UBR1: variants seen among roughly 807,000 people sequenced by gnomAD.
UBR1 encodes the protein E3 ubiquitin-protein ligase UBR1.
A neutral mutation model predicts 242.1 loss-of-function variants in UBR1; 102 were observed. That is an observed-to-expected ratio of 0.42 (90% CI 0.36 to 0.50). The LOEUF (loss-of-function observed/expected upper bound fraction) is 0.50. Ranked by LOEUF, UBR1 falls within the 20% of genes least tolerant of loss-of-function variation. The probability of loss-of-function intolerance (pLI) is 0.01; values close to 1 mark genes in which losing one functional copy is unlikely to be tolerated. For missense variants in UBR1, 1,772 were observed against 2,101.8 expected (o/e 0.84, Z 3.07); for synonymous variants, 675 against 684.8 (o/e 0.99, Z 0.22).
intron 20 of UBR1, 38 bp downstream of exon 20, chr15:43,032,530 C>T: frequency 7.2e-7 from 1 of 1,397,366 alleles, no homozygotes; most frequent in Non-Finnish European, 1.0e-6. Flanking sequence ...TAAAAAGTAA[C>T]CCATGTTCTA....
At chr15:42,971,087 T>A (rs2141263020) in intron 39 of UBR1, among the ~76,000 whole-genome samples, 1 of 152,336 alleles carries the variant, frequency 6.6e-6, no homozygotes, top group Middle Eastern at 3.4e-3. Context: ...ATATATTAGC[T>A]GGAGAAACAA....
intron 12 of UBR1, among the ~76,000 whole-genome samples, chr15:43,049,202 T>G (rs2033522197): frequency 1.3e-5 from 2 of 152,224 alleles, no homozygotes; most frequent in African/African-American, 4.8e-5. Flanking sequence ...ACACCTGTCC[T>G]GAAGTTCATA....
At chr15:42,992,091 T>G (rs2032564852) in intron 33 of UBR1, among the ~76,000 whole-genome samples, 1 of 152,170 alleles carries the variant, frequency 6.6e-6, no homozygotes, top group Admixed American at 6.5e-5. Flanking sequence ...AATTTTTGTT[T>G]CATCCAGTAT....
chr15:43,039,544 G>A (rs889756511), intron 15 of UBR1, among the ~76,000 whole-genome samples: 1 of 152,208 alleles, frequency 6.6e-6, no homozygotes, highest in Admixed American at 6.5e-5. Flanking sequence ...CTGAGACTTT[G>A]CTGAAGTTGC....
intron 28 of UBR1, 56 bp from the exon 29 acceptor site, chr15:43,015,925 C>T (rs544550045): frequency 2.4e-5 from 37 of 1,543,206 alleles, no homozygotes; most frequent in East Asian, 6.7e-5. Flanking sequence ...CATTTATATA[C>T]GCTGTTTGGA....
At chr15:42,964,382 T>G (rs187060246) in intron 41 of UBR1, among the ~76,000 whole-genome samples, 2 of 152,202 alleles carry the variant, frequency 1.3e-5, no homozygotes, top group Admixed American at 6.5e-5. Context: ...GGCAGGAGAA[T>G]TGCTTGAACC....
chr15:42,980,507 G>A (rs1021331222), intron 37 of UBR1, among the ~76,000 whole-genome samples: 3 of 152,114 alleles, frequency 2.0e-5, no homozygotes, highest in African/African-American at 7.2e-5. Context: ...CTTGAAGGAT[G>A]GTGACTAGAA....
At chr15:42,975,935 C>T (rs1393592855) in intron 39 of UBR1, among the ~76,000 whole-genome samples, 1 of 152,084 alleles carries the variant, frequency 6.6e-6, no homozygotes, top group Non-Finnish European at 1.5e-5. Flanking sequence ...GCAGGCTGTT[C>T]TTGAACTTCT....
chr15:42,958,184 A>G, intron 43 of UBR1, 94 bp from the exon 44 acceptor site: 1 of 861,710 alleles, frequency 1.2e-6, no homozygotes. Context: ...TAAAAATAAC[A>G]AAAGGATCTA....
At chr15:42,947,122 G>A (rs2031751340) in intron 46 of UBR1, among the ~76,000 whole-genome samples, 1 of 152,148 alleles carries the variant, frequency 6.6e-6, no homozygotes, top group Non-Finnish European at 1.5e-5. Flanking sequence ...GGGTGACAGA[G>A]TGAGAGACTG....
intron 32 of UBR1, among the ~76,000 whole-genome samples, chr15:43,001,121 CT>C (rs1368664060): frequency 6.6e-6 from 1 of 151,230 alleles, no homozygotes; most frequent in Non-Finnish European, 1.5e-5. Flanking sequence ...GCGTGAGGCA[CT>C]GTGCCCAGCC....
chr15:42,948,688 C>T (rs2031778272), intron 46 of UBR1, among the ~76,000 whole-genome samples: 2 of 152,128 alleles, frequency 1.3e-5, no homozygotes, highest in African/African-American at 4.8e-5. Flanking sequence ...AAAATACTCA[C>T]CATCACTGGC....
Position 43,039,219 on chromosome 15 carries a change from A to G in UBR1, c.1850-987T>C, listed in dbSNP as rs190932230. On this transcript the variant is annotated intron_variant, in intron 15 of 46. Coordinates refer to ENST00000290650, the MANE Select transcript of UBR1 (RefSeq NM_174916.3). Reference sequence around the variant, plus strand: ...ATCAAAGACTTTAAACACAGGTTTAAATATAGGTGCTAAAACTAAAAAATA... The same window carrying G: ...ATCAAAGACTTTAAACACAGGTTTAGATATAGGTGCTAAAACTAAAAAATA... 6.0e-4 allele frequency among the ~76,000 whole-genome samples: 92 copies of G among 152,302 alleles called. 1 individual carries two copies. The highest frequency in any genetic ancestry group is 9.3e-4 in the Non-Finnish European group (63 of 68,004).
At chr15:43,020,734 C>A (rs774831266) in intron 27 of UBR1, among the ~76,000 whole-genome samples, 1 of 152,196 alleles carries the variant, frequency 6.6e-6, no homozygotes, top group African/African-American at 2.4e-5. Context: ...CCATTATGTT[C>A]CAGCCATACT....
chr15:42,952,534 T>C (rs1038076543), intron 44 of UBR1, 86 bp from the exon 45 acceptor site: 15 of 1,473,138 alleles, frequency 1.0e-5, no homozygotes, highest in Admixed American at 3.4e-5. Context: ...CAATCAAGCA[T>C]GTTTTCATCA....
intron 15 of UBR1, among the ~76,000 whole-genome samples, chr15:43,040,430 A>C (rs1199721828): frequency 1.3e-5 from 2 of 152,156 alleles, no homozygotes; most frequent in Admixed American, 6.5e-5. Context: ...CCTTCCTTAC[A>C]CCTTATACAA....
chr15:42,960,433 G>A (rs1302816769), intron 43 of UBR1, among the ~76,000 whole-genome samples: 1 of 152,112 alleles, frequency 6.6e-6, no homozygotes, highest in South Asian at 2.1e-4. Context: ...GGAACTGCTG[G>A]CTTCTAATAA....
At chr15:43,089,333 A>G (rs550134570) in intron 1 of UBR1, among the ~76,000 whole-genome samples, 5 of 152,106 alleles carry the variant, frequency 3.3e-5, no homozygotes, top group South Asian at 2.1e-4. Context: ...TCTGCTAAAA[A>G]TACAAAACAA....
At chr15:42,950,847 A>T (rs936245246) in intron 45 of UBR1, among the ~76,000 whole-genome samples, 1 of 152,220 alleles carries the variant, frequency 6.6e-6, no homozygotes, top group Non-Finnish European at 1.5e-5. Context: ...TAAAAGAGCC[A>T]CTACCACCCT....
Sources: gnomAD v4.1 joint callset for allele counts (sites outside exome capture counted in the v4.1 genomes callset) on GRCh38, gnomAD v4.1.1 for gene constraint, MANE v1.5 for transcripts, NCBI Gene and HGNC (gene_info 2026-07-23, HGNC 2026-07-21) for gene names.